AKNA: variants seen among roughly 807,000 people sequenced by gnomAD.
AKNA encodes the protein microtubule organization protein AKNA.
In AKNA, 67 loss-of-function variants were observed where a neutral mutation model predicts 138.8. The observed-to-expected ratio is 0.48, with a 90% CI of 0.40 to 0.59. The LOEUF is 0.59. AKNA is among the 20% of genes least tolerant of loss of function. The probability of loss-of-function intolerance (pLI) is 0.00; values close to 1 mark genes in which losing one functional copy is unlikely to be tolerated. For synonymous variants in AKNA, 737 were observed against 754.4 expected (o/e 0.98, Z 0.38); for missense variants, 1,813 against 1,880.4 (o/e 0.96, Z 0.66).
chr9:114,344,063 TGTTTC>T (rs1830527026), intron 18 of AKNA: 6 of 364,244 alleles, frequency 1.6e-5, no homozygotes, highest in Non-Finnish European at 3.0e-5. Flanking sequence ...ACTCCTATTC[TGTTTC>T]ATCTCAGATC....
In AKNA at chr9:114,359,813, A is replaced by AG. The variant is rs148253682; in HGVS notation, c.2292-20dup. 15,278 of 1,606,132 alleles carry AG rather than the reference A, an allele frequency of 9.5e-3. 1,247 individuals are homozygous for AG. The African/African-American group carries it at 0.18, about 19-fold the overall frequency. On this transcript the variant is annotated intron_variant, in intron 10 of 21. Coordinates refer to ENST00000374088, the MANE Select transcript of AKNA (RefSeq NM_001317950.2). ...GAGGTACCTGCAGAAGAACACACAG[A>AG]GGGGCATGACCTCTGCCCAGTGGGG... is the stretch of plus-strand genomic sequence containing the variant.
intron 16 of AKNA, among the ~76,000 whole-genome samples, chr9:114,347,247 C>A (rs1304751665): frequency 1.3e-5 from 2 of 151,952 alleles, no homozygotes; most frequent in African/African-American, 4.8e-5. Context: ...TGAGACAGAG[C>A]CTCTCTCTGT....
chr9:114,331,232 G>A (rs919252672), downstream of AKNA, among the ~76,000 whole-genome samples: 26 of 152,026 alleles, frequency 1.7e-4, no homozygotes, highest in African/African-American at 5.6e-4. Context: ...CCCCATCACC[G>A]CAGAGGTGGC....
At chr9:114,331,396 T>C (rs1829848871), downstream of AKNA, among the ~76,000 whole-genome samples, 1 of 152,018 alleles carries the variant, frequency 6.6e-6, no homozygotes, top group Non-Finnish European at 1.5e-5. Context: ...AGAAAGTGCT[T>C]GGCGTGGAGC....
chr9:114,342,272 C>A, intron 19 of AKNA, 147 bp from the exon 20 acceptor site: 1 of 591,154 alleles, frequency 1.7e-6, no homozygotes. Flanking sequence ...ATGACATTGA[C>A]AACAACCATG....
chr9:114,359,524 T>C, intron 11 of AKNA, 70 bp downstream of exon 11: 1 of 1,612,088 alleles, frequency 6.2e-7, no homozygotes, highest in Non-Finnish European at 8.5e-7. Flanking sequence ...TCTTATTCAC[T>C]CTGACAGTGA....
chr9:114,391,005 T>G (rs1235240975), upstream of AKNA, among the ~76,000 whole-genome samples: 1 of 152,250 alleles, frequency 6.6e-6, no homozygotes, highest in Non-Finnish European at 1.5e-5. Flanking sequence ...CAGGCCCTGA[T>G]ATACAATAGA....
In AKNA at chr9:114,381,084, C is replaced by G; in HGVS notation, c.250G>C (p.Glu84Gln). Residue 84 changes from glutamate to glutamine, a missense_variant, in exon 2 of 22, where the codon GAG becomes CAG. By Grantham distance (29) the Glu-to-Gln change is conservative (BLOSUM62 2). Transcript: ENST00000374088. Reference sequence around the variant, plus strand: ...CCTTCTCCCGAAGTCTCTCCTGACTCGGAATCCTGATGCCCATCGGGCTGC... The same window carrying G: ...CCTTCTCCCGAAGTCTCTCCTGACTGGGAATCCTGATGCCCATCGGGCTGC... ...HPQPDGHQDSESGETSGEEAE... is the reference protein window; with the variant it reads ...HPQPDGHQDSQSGETSGEEAE... The G allele has an allele frequency of 6.3e-7, 1 of 1,578,218 alleles. No homozygotes were observed. The highest frequency in any genetic ancestry group is 8.6e-7 in the Non-Finnish European group (1 of 1,167,554).
chr9:114,368,245 G>C (rs908751609), intron 5 of AKNA, 194 bp downstream of exon 5: 2 of 547,744 alleles, frequency 3.7e-6, no homozygotes, highest in Non-Finnish European at 5.5e-6. Flanking sequence ...GCTGCCCCCA[G>C]GCTGCTGTGG....
chr9:114,394,688 A>AT (rs1834474559), upstream of AKNA, among the ~76,000 whole-genome samples: 1 of 152,226 alleles, frequency 6.6e-6, no homozygotes, highest in African/African-American at 2.4e-5. Context: ...CATTTAACAG[A>AT]TGAAGAAAGG....
At chr9:114,332,259 C>T (rs1357032967), downstream of AKNA, among the ~76,000 whole-genome samples, 31 of 152,050 alleles carry the variant, frequency 2.0e-4, no homozygotes, top group Admixed American at 1.9e-3. Context: ...AAACCCCAGG[C>T]TTTCACCCCA....
At chr9:114,368,377 T>C in intron 5 of AKNA, 62 bp downstream of exon 5, 2 of 1,303,380 alleles carry the variant, frequency 1.5e-6, no homozygotes, top group South Asian at 6.2e-5. Flanking sequence ...ACCAAGTCAG[T>C]CCCACAGAGC....
upstream of AKNA, among the ~76,000 whole-genome samples, chr9:114,395,032 G>A (rs573081463): frequency 1.3e-5 from 2 of 152,272 alleles, no homozygotes; most frequent in Non-Finnish European, 2.9e-5. Context: ...GGTCTCACTC[G>A]GCAATGGAGC....
chr9:114,368,732 G>C, intron 4 of AKNA, 137 bp from the exon 5 acceptor site: 1 of 753,796 alleles, frequency 1.3e-6, no homozygotes, highest in East Asian at 3.4e-5. Context: ...CCCTTGGCTA[G>C]GCCAAACACA....
chr9:114,368,595 C>T lies in AKNA; in HGVS notation c.1417G>A (p.Val473Met). The T allele has an allele frequency of 1.5e-6, 2 of 1,373,504 alleles. No individual in the cohort carries two copies. Among genetic ancestry groups the T allele is most frequent in the Non-Finnish European group, 1.9e-6 (2 of 1,055,774 alleles). The allele number at this position is 1,373,504 out of a possible 1,614,324, so 85.1% of individuals were successfully genotyped here. ...TGGGGTGGGTCAGAGAACAGGTTCA[C>T]CTGTGGAAGCAGGGAGGCACAGCAC... ...TIDQLRLGAKVNLFSDPPQPN... is the reference protein window; with the variant it reads ...TIDQLRLGAKMNLFSDPPQPN... The change falls in exon 5 of 22, where the codon GTG (valine) becomes ATG (methionine). Residue 473 changes from valine to methionine, a missense_variant and splice_region_variant. Transcript: ENST00000374088.
chr9:114,390,787 A>C (rs1211873970), upstream of AKNA, among the ~76,000 whole-genome samples: 1 of 152,158 alleles, frequency 6.6e-6, no homozygotes, highest in African/African-American at 2.4e-5. Flanking sequence ...CCTGGGACAG[A>C]TGTGTCCTGC....
At chr9:114,393,177 G>T (rs1299053958) in intron 1 of AKNA, among the ~76,000 whole-genome samples, 1 of 150,092 alleles carries the variant, frequency 6.7e-6, no homozygotes, top group Non-Finnish European at 1.5e-5. Flanking sequence ...GAGGAAGCTG[G>T]TTTGAACCAA....
In AKNA at chr9:114,335,532, G is replaced by A. The variant is rs993441598; in HGVS notation, c.*1522C>T. 8.5e-5 allele frequency: 13 copies of A among 152,240 alleles called. No homozygotes were observed. Among genetic ancestry groups the A allele is most frequent in the African/African-American group, 2.4e-4 (10 of 41,448 alleles). The allele number at this position is 152,240 out of a possible 1,614,324, so 9.4% of individuals were successfully genotyped here. On this transcript the variant is annotated 3_prime_UTR_variant, in exon 22 of 22. Transcript: ENST00000374088. Reference sequence around the variant, plus strand: ...CACGCCTGTAATCCCAGCAATTTGGGAGGCTGAGGTGGGTGGATCACCTGA... The same window carrying A: ...CACGCCTGTAATCCCAGCAATTTGGAAGGCTGAGGTGGGTGGATCACCTGA...
At chr9:114,339,793 G>A (rs73656043) in intron 21 of AKNA, among the ~76,000 whole-genome samples, 1 of 152,310 alleles carries the variant, frequency 6.6e-6, no homozygotes, top group African/African-American at 2.4e-5. Context: ...AGCTGAGAGG[G>A]CAGCAAGAAA....
Sources: gnomAD v4.1 joint callset for allele counts (sites outside exome capture counted in the v4.1 genomes callset) on GRCh38, gnomAD v4.1.1 for gene constraint, MANE v1.5 for transcripts, NCBI Gene and HGNC (gene_info 2026-07-23, HGNC 2026-07-21) for gene names.